The following MCPH1 variants were observed in gnomAD, a reference collection of about 807,000 sequenced individuals.
MCPH1 encodes the protein microcephalin.
Under a neutral mutation model 84.5 loss-of-function variants are expected in MCPH1, and 104 were observed. The observed-to-expected ratio is 1.23, with a 90% CI of 1.05 to 1.45. The LOEUF (loss-of-function observed/expected upper bound fraction) is 1.45. MCPH1 is among the 40% of genes most tolerant of loss of function. MCPH1 has a pLI of 0.00. For missense variants in MCPH1, 1,498 were observed against 1,005.7 expected (o/e 1.49, Z -6.62); for synonymous variants, 514 against 366.8 (o/e 1.40, Z -4.58).
chr8:6,570,471 C>T (rs566013686), intron 12 of MCPH1, among the ~76,000 whole-genome samples: 1 of 152,300 alleles, frequency 6.6e-6, no homozygotes, highest in African/African-American at 2.4e-5. Flanking sequence ...ACAGCCATTT[C>T]CCCCGCATTA....
At chr8:6,519,845 G>A (rs945968971) in intron 12 of MCPH1, 15 of 1,612,582 alleles carry the variant, frequency 9.3e-6, no homozygotes, top group African/African-American at 2.7e-5. Flanking sequence ...GAGTTAGTAA[G>A]GGGAGACGAA....
intron 7 of MCPH1, among the ~76,000 whole-genome samples, chr8:6,444,191 A>G (rs558810049): frequency 6.6e-6 from 1 of 152,302 alleles, no homozygotes; most frequent in South Asian, 2.1e-4. Context: ...TATCCCATAC[A>G]CCCATCAAAG....
chr8:6,480,913 G>A (rs1365046567), intron 11 of MCPH1, 37 bp downstream of exon 11: 1 of 1,609,652 alleles, frequency 6.2e-7, no homozygotes, highest in Admixed American at 1.7e-5. Context: ...TTTAAAACAA[G>A]GCATTTTGAT....
At chr8:6,610,714 C>T (rs1161333701) in intron 12 of MCPH1, among the ~76,000 whole-genome samples, 1 of 152,118 alleles carries the variant, frequency 6.6e-6, no homozygotes, top group Non-Finnish European at 1.5e-5. Flanking sequence ...AGTCTGTTAT[C>T]TTTACTTTCC....
At chr8:6,602,491 C>T (rs534261410) in intron 12 of MCPH1, among the ~76,000 whole-genome samples, 3 of 152,102 alleles carry the variant, frequency 2.0e-5, no homozygotes, top group East Asian at 3.9e-4. Context: ...TGGATGCATG[C>T]GGGAGGAATG....
At chr8:6,554,626 T>A (rs1824269203) in intron 12 of MCPH1, among the ~76,000 whole-genome samples, 1 of 152,230 alleles carries the variant, frequency 6.6e-6, no homozygotes, top group South Asian at 2.1e-4. Flanking sequence ...ACTATGAATA[T>A]TTTGTGGTGG....
At chr8:6,430,538 A>G (rs1171676991) in intron 3 of MCPH1, among the ~76,000 whole-genome samples, 1 of 152,256 alleles carries the variant, frequency 6.6e-6, no homozygotes, top group East Asian at 1.9e-4. Context: ...ACAGAGGCAC[A>G]TATTTCTGAA....
At chr8:6,492,870 G>A (rs1350064013) in intron 11 of MCPH1, among the ~76,000 whole-genome samples, 1 of 152,022 alleles carries the variant, frequency 6.6e-6, no homozygotes, top group African/African-American at 2.4e-5. Context: ...TACAGAGACT[G>A]CATACTGCGC....
intron 13 of MCPH1, among the ~76,000 whole-genome samples, chr8:6,631,101 G>T (rs532448437): frequency 5.3e-4 from 80 of 152,324 alleles, no homozygotes; most frequent in African/African-American, 1.8e-3. Context: ...CTTCAAGCCC[G>T]CAGGAAAGTT....
At chr8:6,540,593 AGGC>A in intron 12 of MCPH1, among the ~76,000 whole-genome samples, 1 of 152,228 alleles carries the variant, frequency 6.6e-6, no homozygotes, top group Admixed American at 6.5e-5. Flanking sequence ...AGACGTTGTC[AGGC>A]CACGTCTGCA....
intron 11 of MCPH1, among the ~76,000 whole-genome samples, chr8:6,483,764 G>T (rs544059496): frequency 6.6e-6 from 1 of 152,268 alleles, no homozygotes; most frequent in South Asian, 2.1e-4. Context: ...GGAGGCTGAG[G>T]CACAAGAATC....
chr8:6,499,953 T>G, intron 12 of MCPH1, 24 bp downstream of exon 12: 1 of 1,593,478 alleles, frequency 6.3e-7, no homozygotes, highest in Non-Finnish European at 8.6e-7. Flanking sequence ...TGTTTTACGA[T>G]GGTAAATGCA....
At chr8:6,492,015 T>C (rs1810654048) in intron 11 of MCPH1, among the ~76,000 whole-genome samples, 1 of 152,228 alleles carries the variant, frequency 6.6e-6, no homozygotes, top group Admixed American at 6.5e-5. Flanking sequence ...CTGGATCAAA[T>C]GGTATTTCTA....
intron 7 of MCPH1, among the ~76,000 whole-genome samples, chr8:6,443,466 A>G (rs953769722): frequency 2.0e-5 from 3 of 151,266 alleles, no homozygotes; most frequent in African/African-American, 7.4e-5. Context: ...AACTTCAGTG[A>G]TTTCAGACAG....
chr8:6,476,318 A>T (rs1268347708), intron 9 of MCPH1, among the ~76,000 whole-genome samples: 1 of 150,938 alleles, frequency 6.6e-6, no homozygotes, highest in Non-Finnish European at 1.5e-5. Flanking sequence ...GATCCCAGCT[A>T]GTTGGGAGGC....
chr8:6,475,701 G>T (rs1392230608), intron 9 of MCPH1, among the ~76,000 whole-genome samples: 1 of 152,178 alleles, frequency 6.6e-6, no homozygotes, highest in Non-Finnish European at 1.5e-5. Flanking sequence ...GGGACCCATG[G>T]GCCACCACCT....
At chr8:6,623,976 G>C (rs1246570423) in intron 13 of MCPH1, among the ~76,000 whole-genome samples, 3 of 152,224 alleles carry the variant, frequency 2.0e-5, no homozygotes, top group Non-Finnish European at 4.4e-5. Context: ...AGTTTGCAAA[G>C]CGTGTGCCGT....
At chr8:6,590,002 C>T (rs2442580) in intron 12 of MCPH1, among the ~76,000 whole-genome samples, 27,500 of 152,094 alleles carry the variant, frequency 0.18, 3,049 homozygotes, top group Non-Finnish European at 0.25. Context: ...GTCCCCGAAA[C>T]GATCTTGCTG....
At chr8:6,419,152 G>GAC (rs1177481281) in intron 3 of MCPH1, among the ~76,000 whole-genome samples, 397 of 59,336 alleles carry the variant, frequency 6.7e-3, no homozygotes, top group South Asian at 0.03. Context: ...CACACACACA[G>GAC]ACACACACAC....
Sources: allele counts gnomAD v4.1 joint callset (sites outside exome capture counted in the v4.1 genomes callset), GRCh38; gene constraint gnomAD v4.1.1; transcripts MANE v1.5; gene names NCBI Gene and HGNC (gene_info 2026-07-23, HGNC 2026-07-21).